The following GRID2 variants were observed in gnomAD, a reference collection of about 807,000 sequenced individuals.
The protein encoded by GRID2 is glutamate receptor ionotropic, delta-2.
In GRID2, 33 loss-of-function variants were observed where a neutral mutation model predicts 114.8. The ratio of observed to expected loss-of-function variants is 0.29; its 90% CI spans 0.22 to 0.38. GRID2 has a LOEUF of 0.38. Among genes scored for constraint, GRID2 ranks in the 10% least tolerant of loss-of-function variants. The pLI is 1.00. For synonymous variants in GRID2, 505 were observed against 449.9 expected (o/e 1.12, Z -1.55); for missense variants, 1,184 against 1,257.7 (o/e 0.94, Z 0.89).
At chr4:93,218,597 A>T (rs1744510236) in intron 6 of GRID2, among the ~76,000 whole-genome samples, 1 of 152,156 alleles carries the variant, frequency 6.6e-6, no homozygotes. Context: ...CATAATTACC[A>T]CAGTGCTTTG....
At chr4:93,152,994 A>C (rs977195464) in intron 4 of GRID2, among the ~76,000 whole-genome samples, 6 of 152,114 alleles carry the variant, frequency 3.9e-5, no homozygotes, top group African/African-American at 1.4e-4. Flanking sequence ...TCCTATTAAC[A>C]TTTGTTGTAA....
intron 13 of GRID2, among the ~76,000 whole-genome samples, chr4:93,593,612 A>T (rs928326915): frequency 6.6e-5 from 10 of 150,702 alleles, no homozygotes; most frequent in Admixed American, 1.3e-4. Context: ...GCCTTGCTAG[A>T]TTGGGGAAAT....
At chr4:92,307,055 G>A (rs1725447361) in intron 1 of GRID2, among the ~76,000 whole-genome samples, 1 of 152,104 alleles carries the variant, frequency 6.6e-6, no homozygotes, top group Non-Finnish European at 1.5e-5. Flanking sequence ...ATGACGGGTA[G>A]TATGTGTGTA....
intron 13 of GRID2, among the ~76,000 whole-genome samples, chr4:93,556,272 T>C (rs192982922): frequency 5.3e-4 from 81 of 152,236 alleles, no homozygotes; most frequent in African/African-American, 1.9e-3. Flanking sequence ...GACAAATTGA[T>C]AGAAGTAGGC....
intron 11 of GRID2, among the ~76,000 whole-genome samples, chr4:93,457,658 A>G (rs1435608786): frequency 6.6e-6 from 1 of 152,164 alleles, no homozygotes; most frequent in African/African-American, 2.4e-5. Flanking sequence ...GGGAGTCAAG[A>G]GGAGAGTATT....
chr4:92,963,033 T>A (rs1752923023), intron 2 of GRID2, among the ~76,000 whole-genome samples: 1 of 152,016 alleles, frequency 6.6e-6, no homozygotes, highest in Non-Finnish European at 1.5e-5. Flanking sequence ...GTCTCTTAAG[T>A]ATGCAATAGC....
chr4:93,341,378 G>A (rs956006103), intron 8 of GRID2, among the ~76,000 whole-genome samples: 24 of 151,426 alleles, frequency 1.6e-4, no homozygotes, highest in East Asian at 1.2e-3. Context: ...AGGCTGGAGC[G>A]CAGTGGTGCA....
At chr4:93,302,733 A>G (rs1467947793) in intron 8 of GRID2, 1 of 363,194 alleles carries the variant, frequency 2.8e-6, no homozygotes, top group Non-Finnish European at 5.4e-6. Flanking sequence ...TTTTATGCTC[A>G]TTTCCTAATA....
At chr4:93,719,404 CT>C (rs910068307) in intron 14 of GRID2, among the ~76,000 whole-genome samples, 76 of 146,736 alleles carry the variant, frequency 5.2e-4, no homozygotes, top group African/African-American at 1.0e-3. Context: ...ATCCAAGGGA[CT>C]TTTTTTTTTA....
intron 2 of GRID2, among the ~76,000 whole-genome samples, chr4:92,830,402 A>G (rs939118995): frequency 6.6e-6 from 1 of 152,052 alleles, no homozygotes; most frequent in Non-Finnish European, 1.5e-5. Flanking sequence ...TGCATAAACC[A>G]TACCAACATA....
intron 7 of GRID2, among the ~76,000 whole-genome samples, chr4:93,229,026 C>T (rs1179678893): frequency 6.6e-6 from 1 of 151,848 alleles, no homozygotes; most frequent in Non-Finnish European, 1.5e-5. Context: ...CAGCTTCTGC[C>T]CCAGTGTCAC....
chr4:93,208,180 C>A (rs964273952), intron 5 of GRID2, among the ~76,000 whole-genome samples: 1 of 151,830 alleles, frequency 6.6e-6, no homozygotes, highest in Admixed American at 6.6e-5. Context: ...GTAATATTTA[C>A]TTATTCATTA....
At chr4:92,867,586 T>A (rs35871923) in intron 2 of GRID2, among the ~76,000 whole-genome samples, 4,684 of 152,012 alleles carry the variant, frequency 0.031, 91 homozygotes, top group Non-Finnish European at 0.041. Flanking sequence ...ACTATTATTT[T>A]TTTTTTTTTT....
intron 2 of GRID2, among the ~76,000 whole-genome samples, chr4:92,690,102 ATGCT>A (rs2149292065): frequency 6.6e-6 from 1 of 152,180 alleles, no homozygotes; most frequent in Non-Finnish European, 1.5e-5. Flanking sequence ...CATTCACAGC[ATGCT>A]TAATGGGCAC....
At chr4:92,512,855 C>T (rs1724325359) in intron 1 of GRID2, among the ~76,000 whole-genome samples, 1 of 151,748 alleles carries the variant, frequency 6.6e-6, no homozygotes, top group African/African-American at 2.4e-5. Flanking sequence ...TACTCTGCCT[C>T]TTTTTTAGTT....
chr4:92,650,222 C>G (rs893174316), intron 2 of GRID2, among the ~76,000 whole-genome samples: 2 of 152,034 alleles, frequency 1.3e-5, no homozygotes, highest in African/African-American at 4.8e-5. Flanking sequence ...ATTACTTTAG[C>G]AAGTCATTCG....
rs138874101 is a variant in GRID2 at position 92,587,015 on chromosome 4, G to T, written c.89-3116G>T. 3.5e-3 allele frequency among the ~76,000 whole-genome samples: 528 copies of T among 151,822 alleles called. 3 individuals carry two copies. The highest frequency in any genetic ancestry group is 0.011 in the African/African-American group (445 of 41,422). On this transcript the variant is annotated intron_variant, in intron 1 of 15. Transcript: ENST00000282020. The stretch of plus-strand genomic sequence containing the variant: ...TTGCTGTAATAGGAATATTCAGGAG[G>T]TGTTCCTTTCCTGCTTTATTGATTG...
intron 1 of GRID2, among the ~76,000 whole-genome samples, chr4:92,495,705 T>TAAATA (rs1473269957): frequency 6.6e-6 from 1 of 151,874 alleles, no homozygotes; most frequent in Non-Finnish European, 1.5e-5. Context: ...TAATGTAATA[T>TAAATA]AAATAAAACA....
At chr4:93,798,578 TCATATTAAATA>T (rs1332457865) in intron 1 of GRID2, among the ~76,000 whole-genome samples, 1 of 152,218 alleles carries the variant, frequency 6.6e-6, no homozygotes, top group East Asian at 1.9e-4. Context: ...TTTATGCACA[TCATATTAAATA>T]CATATGTACC....
Sources: gnomAD v4.1 joint callset for allele counts (sites outside exome capture counted in the v4.1 genomes callset) on GRCh38, gnomAD v4.1.1 for gene constraint, MANE v1.5 for transcripts, NCBI Gene and HGNC (gene_info 2026-07-23, HGNC 2026-07-21) for gene names.